LRMDA: variants seen among roughly 807,000 people sequenced by gnomAD.
LRMDA encodes leucine rich melanocyte differentiation associated.
In LRMDA, 18 loss-of-function variants were observed where a neutral mutation model predicts 29.8. The observed-to-expected ratio is 0.60, with a 90% CI of 0.42 to 0.90. The LOEUF is 0.90. LRMDA is among the 40% of genes least tolerant of loss of function. LRMDA has a pLI of 0.00. For synonymous variants in LRMDA, 125 were observed against 109.4 expected (o/e 1.14, Z -0.89); for missense variants, 273 against 273.9 (o/e 1.00, Z 0.02).
chr10:76,169,956 C>T (rs1850805573), intron 5 of LRMDA, among the ~76,000 whole-genome samples: 1 of 152,144 alleles, frequency 6.6e-6, no homozygotes, highest in Non-Finnish European at 1.5e-5. Flanking sequence ...TATGGCCTTA[C>T]CCTTGGATGA....
At chr10:75,520,283 T>A (rs768198888) in intron 2 of LRMDA, among the ~76,000 whole-genome samples, 2 of 152,222 alleles carry the variant, frequency 1.3e-5, no homozygotes, top group Non-Finnish European at 2.9e-5. Context: ...TCTTCCAACT[T>A]GGTTCAATTT....
At chr10:76,079,589 C>T (rs1849018409) in intron 5 of LRMDA, among the ~76,000 whole-genome samples, 2 of 152,150 alleles carry the variant, frequency 1.3e-5, no homozygotes, top group African/African-American at 2.4e-5. Flanking sequence ...AGAAGACCAA[C>T]ATCCCATTAT....
intron 6 of LRMDA, among the ~76,000 whole-genome samples, chr10:76,513,521 A>G (rs1009576886): frequency 6.6e-6 from 1 of 152,192 alleles, no homozygotes; most frequent in Non-Finnish European, 1.5e-5. Context: ...ACTCATTATC[A>G]TCAAGCTGAG....
intron 6 of LRMDA, among the ~76,000 whole-genome samples, chr10:76,441,947 G>A (rs939099487): frequency 2.0e-5 from 3 of 152,138 alleles, no homozygotes; most frequent in Non-Finnish European, 4.4e-5. Flanking sequence ...CCTCCCATCT[G>A]CCACCTCGTC....
chr10:76,466,912 A>T (rs1017782223), intron 6 of LRMDA, among the ~76,000 whole-genome samples: 1 of 152,246 alleles, frequency 6.6e-6, no homozygotes, highest in Non-Finnish European at 1.5e-5. Context: ...AAAAGTCTCC[A>T]GTGTCCATCC....
At position 76,424,224 on chromosome 10, in the gene LRMDA, A is replaced by T. The variant is rs573762452; in HGVS notation, c.601+99739A>T. Among the ~76,000 whole-genome samples, 5 of 152,318 alleles carry T rather than the reference A, an allele frequency of 3.3e-5. No individual in the cohort carries two copies. In the East Asian group the frequency reaches 9.6e-4, roughly 29 times the overall value. On this transcript the variant is annotated intron_variant, in intron 6 of 6. Coordinates refer to ENST00000611255, the MANE Select transcript of LRMDA (RefSeq NM_001305581.2). Reference sequence around the variant, plus strand: ...AGTGACCCTCATGAATAACAATCACACCTTACTTAGTACTGGGATTTTCCC... The same window carrying T: ...AGTGACCCTCATGAATAACAATCACTCCTTACTTAGTACTGGGATTTTCCC...
chr10:76,474,593 A>T (rs1185549966), intron 6 of LRMDA, among the ~76,000 whole-genome samples: 1 of 151,766 alleles, frequency 6.6e-6, no homozygotes, highest in East Asian at 1.9e-4. Context: ...TCCAAAGAAG[A>T]TATAGAAATA....
intron 5 of LRMDA, among the ~76,000 whole-genome samples, chr10:76,129,363 C>T (rs1849944156): frequency 6.6e-6 from 1 of 152,182 alleles, no homozygotes; most frequent in Non-Finnish European, 1.5e-5. Context: ...CTACTTCTGG[C>T]CAGGCTGTTG....
chr10:76,071,459 A>C lies in LRMDA; in HGVS notation c.516+12676A>C, dbSNP rs200295849. Among the ~76,000 whole-genome samples the C allele has an allele frequency of 2.6e-5, 4 of 152,222 alleles. 1 individual carries two copies. The East Asian group carries it at 7.7e-4, about 29-fold the overall frequency. On this transcript the variant is annotated intron_variant, in intron 5 of 6. Coordinates refer to ENST00000611255, the MANE Select transcript of LRMDA (RefSeq NM_001305581.2). Reference sequence around the variant, plus strand: ...ATGTTTTGGAGAAGATTAGATTACAAAATATTTTTTTCTTCTTTGTGTTCA... The same window carrying C: ...ATGTTTTGGAGAAGATTAGATTACACAATATTTTTTTCTTCTTTGTGTTCA...
intron 2 of LRMDA, among the ~76,000 whole-genome samples, chr10:75,904,258 T>C (rs928332893): frequency 5.9e-5 from 9 of 152,230 alleles, no homozygotes; most frequent in Non-Finnish European, 1.2e-4. Flanking sequence ...GATGAGCTGG[T>C]GGCCCTGATA....
chr10:76,308,217 T>C (rs953440206), intron 5 of LRMDA, among the ~76,000 whole-genome samples: 31 of 152,194 alleles, frequency 2.0e-4, no homozygotes, highest in Admixed American at 7.9e-4. Flanking sequence ...CAATTTTCAA[T>C]GGTCCCTTCA....
intron 2 of LRMDA, among the ~76,000 whole-genome samples, chr10:75,779,992 A>T (rs1235313521): frequency 1.3e-5 from 2 of 152,156 alleles, no homozygotes; most frequent in East Asian, 1.9e-4. Flanking sequence ...AAAGGAGGAG[A>T]TCTAGACACA....
intron 2 of LRMDA, among the ~76,000 whole-genome samples, chr10:75,994,516 A>T (rs1847426417): frequency 1.3e-5 from 2 of 152,056 alleles, no homozygotes; most frequent in Non-Finnish European, 2.9e-5. Flanking sequence ...CAGAAACCTG[A>T]CTCTGCGAGA....
intron 5 of LRMDA, among the ~76,000 whole-genome samples, chr10:76,081,707 A>G: frequency 6.6e-6 from 1 of 152,214 alleles, no homozygotes; most frequent in East Asian, 1.9e-4. Context: ...AAACTTATAA[A>G]GTAGTTTGTA....
intron 3 of LRMDA, 115 bp from the exon 4 acceptor site, chr10:76,047,049 C>T: frequency 8.8e-7 from 1 of 1,131,926 alleles, no homozygotes; most frequent in Non-Finnish European, 1.3e-6. Context: ...TGATTTCAGC[C>T]CCCACCCTGA....
intron 2 of LRMDA, among the ~76,000 whole-genome samples, chr10:75,663,271 TG>T (rs1184420648): frequency 6.6e-6 from 1 of 152,204 alleles, no homozygotes; most frequent in Admixed American, 6.5e-5. Flanking sequence ...GCTGTACTTC[TG>T]TTAGTGGATT....
chr10:76,247,966 T>C (rs923692540), intron 5 of LRMDA, among the ~76,000 whole-genome samples: 7 of 152,138 alleles, frequency 4.6e-5, no homozygotes, highest in African/African-American at 7.2e-5. Context: ...GGTATTGTTA[T>C]ATGCAGTCCT....
intron 2 of LRMDA, among the ~76,000 whole-genome samples, chr10:75,459,117 GA>G (rs973860758): frequency 1.3e-5 from 2 of 151,568 alleles, no homozygotes; most frequent in East Asian, 1.9e-4. Context: ...TTAATATTAG[GA>G]AAAAAAACCC....
rs80011463 is a variant in LRMDA, at chr10:76,377,570, T to C, written c.601+53085T>C. Among the ~76,000 whole-genome samples, 1,163 of 152,274 alleles carry C rather than the reference T, an allele frequency of 7.6e-3. 34 individuals are homozygous for C. The South Asian group carries it at 0.094, about 12-fold the overall frequency. On this transcript the variant is annotated intron_variant, in intron 6 of 6. Transcript: ENST00000611255. ...TAATTTTTGTATCTGGTGAGACATA[T>C]GGGTCCAGTTTCATTCTTTCGCATA...
Sources: gnomAD v4.1 joint callset for allele counts (sites outside exome capture counted in the v4.1 genomes callset) on GRCh38, gnomAD v4.1.1 for gene constraint, MANE v1.5 for transcripts, NCBI Gene and HGNC (gene_info 2026-07-23, HGNC 2026-07-21) for gene names.